IFT27: variants seen among roughly 807,000 people sequenced by gnomAD.
The protein encoded by IFT27 is intraflagellar transport protein 27 homolog.
IFT27 carries 19 observed loss-of-function variants against 23.9 expected under a neutral mutation model. That is an observed-to-expected ratio of 0.79 (90% confidence interval 0.55 to 1.16). The LOEUF (loss-of-function observed/expected upper bound fraction) is 1.16, where lower values mean the gene tolerates loss of function less well. Ranked by LOEUF, IFT27 falls within the 50% of genes most tolerant of loss-of-function variation. IFT27 has a pLI of 0.00. For synonymous variants in IFT27, 91 were observed against 89.1 expected (o/e 1.02, Z -0.12); for missense variants, 206 against 228.7 (o/e 0.90, Z 0.64).
At chr22:36,774,468 G>A (rs1938453323) in intron 1 of IFT27, among the ~76,000 whole-genome samples, 1 of 152,126 alleles carries the variant, frequency 6.6e-6, no homozygotes, top group Admixed American at 6.5e-5. Context: ...CTTCACTAGG[G>A]GTTGACCTTG....
chr22:36,775,558 C>T, intron 1 of IFT27, 116 bp downstream of exon 1: 2 of 1,117,302 alleles, frequency 1.8e-6, no homozygotes, highest in Non-Finnish European at 2.7e-6. Context: ...AGTAACTCGC[C>T]TTTGGGAGAG....
intron 6 of IFT27, 130 bp from the exon 7 acceptor site, chr22:36,758,539 A>G (rs1937994188): frequency 1.5e-6 from 1 of 684,414 alleles, no homozygotes; most frequent in South Asian, 1.8e-5. Context: ...CCTTCGAGGT[A>G]GCCACTTTCA....
In IFT27 at chr22:36,775,669, C is replaced by T. The variant is rs768800449; in HGVS notation, c.34+5G>A. The T allele has an allele frequency of 6.2e-7, 1 of 1,614,198 alleles. No homozygotes were observed. ...CCGTATTCAAGCGCAAGTTTTCAGACTCACCTGCCAGGATGCATTTGGCTG... is the reference window on the plus strand; with the variant it reads ...CCGTATTCAAGCGCAAGTTTTCAGATTCACCTGCCAGGATGCATTTGGCTG... On this transcript the variant is annotated splice_donor_5th_base_variant and intron_variant, in intron 1 of 6. Transcript: ENST00000433985.
At chr22:36,760,023 G>A (rs1243022007) in intron 6 of IFT27, 3 of 152,266 alleles carry the variant, frequency 2.0e-5, no homozygotes, top group African/African-American at 2.4e-5. Context: ...AGAGAGTGCC[G>A]AGGAAAGAGT....
At chr22:36,759,884 C>A (rs1569073682) in intron 6 of IFT27, 1 of 152,250 alleles carries the variant, frequency 6.6e-6, no homozygotes, top group African/African-American at 2.4e-5. Flanking sequence ...AGCTACCTTT[C>A]CTCGAGGCCA....
At position 36,775,151 on chromosome 22, in the gene IFT27, G is replaced by C. The variant is rs553168030; in HGVS notation, c.34+523C>G. Among the ~76,000 whole-genome samples the C allele has an allele frequency of 3.3e-5, 5 of 152,190 alleles. No individual in the cohort carries two copies. In the East Asian group the frequency reaches 5.8e-4, roughly 18 times the overall value. ...AGACTCAACATTTATGCCCTTCTTG[G>C]AGTGGGGCAGCACAGTAACTTTGGG... On this transcript the variant is annotated intron_variant, in intron 1 of 6. Transcript: ENST00000433985.
At chr22:36,765,768 C>T (rs533907780) in intron 4 of IFT27, among the ~76,000 whole-genome samples, 2 of 152,300 alleles carry the variant, frequency 1.3e-5, no homozygotes, top group South Asian at 4.1e-4. Context: ...GAGGCCTCTA[C>T]AGCACTTCCC....
At chr22:36,769,250 C>G (rs979490397) in intron 1 of IFT27, among the ~76,000 whole-genome samples, 1 of 152,138 alleles carries the variant, frequency 6.6e-6, no homozygotes, top group Non-Finnish European at 1.5e-5. Flanking sequence ...TTCACCTTAC[C>G]TGACAGATGA....
intron 1 of IFT27, chr22:36,772,776 T>C (rs1876723663): frequency 3.0e-6 from 3 of 984,972 alleles, no homozygotes; most frequent in Non-Finnish European, 2.4e-6. Flanking sequence ...TGACCAGTTA[T>C]GTGAGAGAAA....
chr22:36,773,098 G>A (rs1347623817), intron 1 of IFT27, among the ~76,000 whole-genome samples: 2 of 152,236 alleles, frequency 1.3e-5, no homozygotes, highest in African/African-American at 2.4e-5. Flanking sequence ...GGTGGCTCAC[G>A]CCTGTAATCC....
At chr22:36,758,604 G>A in intron 6 of IFT27, 195 bp from the exon 7 acceptor site, 1 of 588,250 alleles carries the variant, frequency 1.7e-6, no homozygotes, top group Admixed American at 2.9e-5. Flanking sequence ...ACTCAGAGAT[G>A]AAGGTACCTT....
At chr22:36,773,760 C>T (rs1466843484) in intron 1 of IFT27, among the ~76,000 whole-genome samples, 1 of 151,922 alleles carries the variant, frequency 6.6e-6, no homozygotes, top group African/African-American at 2.4e-5. Flanking sequence ...GGGTCTGGAT[C>T]ATACAGCTCT....
chr22:36,767,712 C>T (rs1045041685), intron 2 of IFT27, 71 bp downstream of exon 2: 27 of 1,365,900 alleles, frequency 2.0e-5, no homozygotes, highest in Admixed American at 1.7e-4. Context: ...CAAGGAACTT[C>T]GAAGTCACTC....
At chr22:36,772,469 G>GT (rs931120748) in intron 1 of IFT27, 94 of 978,862 alleles carry the variant, frequency 9.6e-5, no homozygotes, top group African/African-American at 4.6e-4. Flanking sequence ...CTATTTAAGT[G>GT]TTTTTTTAAA....
intron 1 of IFT27, among the ~76,000 whole-genome samples, chr22:36,774,811 C>CAA (rs547732984): frequency 8.5e-6 from 1 of 118,246 alleles, no homozygotes; most frequent in Non-Finnish European, 1.8e-5. Context: ...GACTCCGTCT[C>CAA]AAAAAAAAAA....
chr22:36,769,938 C>T (rs549458456), intron 1 of IFT27, among the ~76,000 whole-genome samples: 24 of 152,242 alleles, frequency 1.6e-4, no homozygotes, highest in Non-Finnish European at 3.2e-4. Flanking sequence ...AGGAAACCGC[C>T]TGTGTTGGCT....
At chr22:36,767,457 G>A in intron 2 of IFT27, 92 bp from the exon 3 acceptor site, 2 of 1,128,850 alleles carry the variant, frequency 1.8e-6, no homozygotes, top group Admixed American at 2.0e-5. Context: ...TCCCAGGAGG[G>A]CTATCTCCAG....
Position 36,762,969 on chromosome 22 carries a change from C to T in IFT27, c.397G>A (p.Val133Met). 1 of 1,607,034 alleles carries T rather than the reference C, an allele frequency of 6.2e-7. No homozygotes were observed. The highest frequency in any genetic ancestry group is 8.5e-7 in the Non-Finnish European group (1 of 1,175,932). The change falls in exon 6 of 7, where the codon GTG becomes ATG. Residue 133 changes from valine to methionine, a missense_variant. By Grantham distance (21) the Val-to-Met change is conservative. Transcript: ENST00000433985. ...CATGCCCGGGCCTCAGCTGAGTCCA[C>T]TGCTCGTCTGCCGGCCAGGTCTGTC... ...NKTDLAGRRA[V>M]DSAEARAWAL...
At chr22:36,763,221 T>C (rs988703793) in intron 5 of IFT27, 5 of 439,996 alleles carry the variant, frequency 1.1e-5, no homozygotes, top group African/African-American at 1.0e-4. Flanking sequence ...TCGCTTTTCA[T>C]GCACAACTTC....
Sources: gnomAD v4.1 joint callset for allele counts (sites outside exome capture counted in the v4.1 genomes callset) on GRCh38, gnomAD v4.1.1 for gene constraint, MANE v1.5 for transcripts, NCBI Gene and HGNC (gene_info 2026-07-23, HGNC 2026-07-21) for gene names.